Variants in NCOA1 observed in about 807,000 individuals in gnomAD.
The protein encoded by NCOA1 is Hin-2 protein.
A neutral mutation model predicts 150.9 loss-of-function variants in NCOA1; 35 were observed. The ratio of observed to expected loss-of-function variants is 0.23; its 90% CI spans 0.18 to 0.31. The LOEUF is 0.31. Among genes scored for constraint, NCOA1 ranks in the 10% least tolerant of loss-of-function variants. The pLI, the probability that NCOA1 is intolerant of heterozygous loss-of-function variation, is 1.00. For missense variants in NCOA1, 1,491 were observed against 1,749.3 expected (o/e 0.85, Z 2.63); for synonymous variants, 590 against 630.0 (o/e 0.94, Z 0.95).
intron 14 of NCOA1, among the ~76,000 whole-genome samples, chr2:24,715,834 G>A (rs1162087824): frequency 6.6e-6 from 1 of 152,072 alleles, no homozygotes; most frequent in African/African-American, 2.4e-5. Context: ...TAAATTTAAT[G>A]TAATCCCAAT....
At chr2:24,690,647 A>C (rs1672620592) in intron 8 of NCOA1, among the ~76,000 whole-genome samples, 1 of 93,042 alleles carries the variant, frequency 1.1e-5, no homozygotes, top group African/African-American at 3.6e-5. Context: ...GTGAGATTCC[A>C]TCTCAAAAAA....
intron 18 of NCOA1, among the ~76,000 whole-genome samples, chr2:24,741,541 A>G (rs757123428): frequency 3.9e-5 from 6 of 152,204 alleles, no homozygotes; most frequent in African/African-American, 7.2e-5. Context: ...CTCATTTATA[A>G]TGGTCAGATA....
At chr2:24,509,148 G>A (rs141378550) in intron 1 of NCOA1, among the ~76,000 whole-genome samples, 9 of 152,158 alleles carry the variant, frequency 5.9e-5, no homozygotes, top group Non-Finnish European at 1.0e-4. Context: ...TGCTTGTTTT[G>A]TACCAGATTA....
At chr2:24,650,997 G>T (rs1480244522) in intron 4 of NCOA1, among the ~76,000 whole-genome samples, 3 of 151,978 alleles carry the variant, frequency 2.0e-5, no homozygotes, top group Admixed American at 6.6e-5. Context: ...TTTTAGGTTT[G>T]GGATTTTTAG....
At chr2:24,623,739 G>A (rs1265660737) in intron 3 of NCOA1, among the ~76,000 whole-genome samples, 3 of 152,096 alleles carry the variant, frequency 2.0e-5, no homozygotes, top group Non-Finnish European at 2.9e-5. Context: ...GTATTTGGCC[G>A]CCATCTTCCT....
At chr2:24,670,081 T>C (rs1421656189) in intron 6 of NCOA1, among the ~76,000 whole-genome samples, 1 of 152,060 alleles carries the variant, frequency 6.6e-6, no homozygotes, top group Non-Finnish European at 1.5e-5. Context: ...GAGGTTGCAA[T>C]GAGCTGTGAT....
At chr2:24,742,225 A>T in intron 19 of NCOA1, 39 bp downstream of exon 19, 1 of 1,565,908 alleles carries the variant, frequency 6.4e-7, no homozygotes, top group Non-Finnish European at 8.7e-7. Flanking sequence ...TAAGTAATCC[A>T]TACAGGCTTA....
intron 21 of NCOA1, among the ~76,000 whole-genome samples, 187 bp from the exon 22 acceptor site, chr2:24,762,500 T>C (rs1664838453): frequency 6.6e-6 from 1 of 152,220 alleles, no homozygotes. Context: ...CTTGTGTCCC[T>C]TACACACTCA....
chr2:24,574,924 A>G (rs1052607669), intron 2 of NCOA1, among the ~76,000 whole-genome samples: 25 of 151,744 alleles, frequency 1.6e-4, no homozygotes, highest in Admixed American at 4.6e-4. Context: ...TTTCCCCCCA[A>G]TCACTGGTTT....
In NCOA1 at chr2:24,741,948, C is replaced by A; in HGVS notation, c.3468C>A (p.Asn1156Lys). Residue 1156 changes from asparagine (N) to lysine (K), a missense_variant, in exon 19 of 23, where the codon AAC (asparagine) becomes AAA (lysine). Physicochemically the swap from Asn to Lys is moderately conservative, Grantham distance 94. Coordinates refer to ENST00000348332, the MANE Select transcript of NCOA1 (RefSeq NM_003743.5). ...CTGGACTACCAGTTCAAATGGGGAA[C>A]CCCCGTCTTCCTCAGGGTGCTCCAC... ...PSSGLPVQMG[N>K]PRLPQGAPQQ... The A allele has an allele frequency of 6.2e-7, 1 of 1,614,220 alleles. No individual in the cohort carries two copies. Among genetic ancestry groups the A allele is most frequent in the South Asian group, 1.1e-5 (1 of 91,090 alleles).
chr2:24,746,168 G>T (rs543977214), intron 19 of NCOA1, among the ~76,000 whole-genome samples: 1 of 152,358 alleles, frequency 6.6e-6, no homozygotes, highest in Admixed American at 6.5e-5. Context: ...ATAAATGAAT[G>T]AAAGTATGAA....
intron 1 of NCOA1, among the ~76,000 whole-genome samples, chr2:24,521,825 G>A (rs1664428684): frequency 6.6e-6 from 1 of 152,022 alleles, no homozygotes; most frequent in Non-Finnish European, 1.5e-5. Flanking sequence ...CATAATGGCT[G>A]TACCAATTTA....
intron 8 of NCOA1, among the ~76,000 whole-genome samples, chr2:24,687,223 T>C (rs762143671): frequency 9.2e-5 from 14 of 152,198 alleles, no homozygotes; most frequent in Non-Finnish European, 1.2e-4. Flanking sequence ...TGATTAGATA[T>C]TTAGCTCTTC....
At chr2:24,596,957 C>T (rs997789379) in intron 3 of NCOA1, among the ~76,000 whole-genome samples, 1 of 152,126 alleles carries the variant, frequency 6.6e-6, no homozygotes, top group African/African-American at 2.4e-5. Context: ...TTTAAGATTC[C>T]TTAGCCAGTT....
At chr2:24,750,319 G>T (rs984559020) in intron 19 of NCOA1, among the ~76,000 whole-genome samples, 1 of 152,170 alleles carries the variant, frequency 6.6e-6, no homozygotes, top group Non-Finnish European at 1.5e-5. Flanking sequence ...GAAGAACAAA[G>T]TTGGATATCT....
intron 1 of NCOA1, among the ~76,000 whole-genome samples, chr2:24,529,539 G>T (rs1488075057): frequency 6.6e-6 from 1 of 152,040 alleles, no homozygotes. Context: ...GTATTGCTGT[G>T]TTGCCCAGGC....
Position 24,697,786 on chromosome 2 carries a change from C to T in NCOA1, c.937C>T (p.Leu313=), listed in dbSNP as rs1672966315. Residue 313 remains leucine (L), a synonymous_variant, in exon 11 of 23, where the codon CTG becomes TTG. Coordinates refer to ENST00000348332, the MANE Select transcript of NCOA1 (RefSeq NM_003743.5). The part of the protein sequence containing the change: ...QGREPSYARQ[L]FQEVMTRGTA... ...CAGAGAACCATCTTATGCCAGACAGCTGTTCCAAGAAGGTAAAATTTTCTC... is the reference window on the plus strand; with the variant it reads ...CAGAGAACCATCTTATGCCAGACAGTTGTTCCAAGAAGGTAAAATTTTCTC... 6.2e-7 allele frequency: 1 copy of T among 1,613,198 alleles called. No individual in the cohort carries two copies. Among genetic ancestry groups the T allele is most frequent in the Non-Finnish European group, 8.5e-7 (1 of 1,179,512 alleles).
intron 19 of NCOA1, among the ~76,000 whole-genome samples, chr2:24,749,171 A>C (rs187166885): frequency 1.3e-5 from 2 of 152,342 alleles, no homozygotes; most frequent in East Asian, 3.9e-4. Flanking sequence ...ATCTGAAACA[A>C]ATAAACAAAA....
chr2:24,547,975 TGA>T (rs1665669256), intron 1 of NCOA1, among the ~76,000 whole-genome samples: 1 of 102,974 alleles, frequency 9.7e-6, no homozygotes, highest in South Asian at 3.1e-4. Context: ...GGCAACAGAG[TGA>T]GACTCTGTCT....
Sources: allele counts gnomAD v4.1 joint callset (sites outside exome capture counted in the v4.1 genomes callset), GRCh38; gene constraint gnomAD v4.1.1; transcripts MANE v1.5; gene names NCBI Gene and HGNC (gene_info 2026-07-23, HGNC 2026-07-21).